SPECC1L: variants seen among roughly 807,000 people sequenced by gnomAD.
SPECC1L encodes cytospin-A.
Under a neutral mutation model 116.8 loss-of-function variants are expected in SPECC1L, and 40 were observed. The observed-to-expected ratio is 0.34, with a 90% CI of 0.27 to 0.45. SPECC1L has a LOEUF of 0.45. Ranked by LOEUF, SPECC1L falls within the 20% of genes least tolerant of loss-of-function variation. The probability of loss-of-function intolerance (pLI) is 1.00; values close to 1 mark genes in which losing one functional copy is unlikely to be tolerated. For missense variants in SPECC1L, 1,110 were observed against 1,373.6 expected (o/e 0.81, Z 3.03); for synonymous variants, 504 against 500.6 (o/e 1.01, Z -0.09).
At chr22:24,279,557 A>G (rs1198880773) in intron 2 of SPECC1L, among the ~76,000 whole-genome samples, 2 of 148,818 alleles carry the variant, frequency 1.3e-5, no homozygotes, top group Non-Finnish European at 3.0e-5. Flanking sequence ...AGAAATGTAC[A>G]TTTTATTTTT....
intron 3 of SPECC1L, among the ~76,000 whole-genome samples, chr22:24,313,086 A>G (rs751697109): frequency 2.0e-5 from 3 of 152,170 alleles, no homozygotes; most frequent in Non-Finnish European, 4.4e-5. Context: ...AAAGTCTTTG[A>G]TTACATGTAC....
intron 14 of SPECC1L, among the ~76,000 whole-genome samples, chr22:24,408,400 C>T (rs1601366005): frequency 6.6e-6 from 1 of 152,252 alleles, no homozygotes; most frequent in Non-Finnish European, 1.5e-5. Context: ...GGGAATGTAG[C>T]AGGTCTTACC....
chr22:24,315,272 A>C (rs2040538247), intron 4 of SPECC1L, among the ~76,000 whole-genome samples: 1 of 152,266 alleles, frequency 6.6e-6, no homozygotes, highest in Admixed American at 6.5e-5. Context: ...AGGTGCGATT[A>C]ACAGGAAGGA....
Position 24,285,012 on chromosome 22 carries a change from A to G in SPECC1L, c.-38+8209A>G, listed in dbSNP as rs752814528. On this transcript the variant is annotated intron_variant, in intron 2 of 16. Coordinates refer to ENST00000314328, the MANE Select transcript of SPECC1L (RefSeq NM_015330.6). ...TTGAAGAGGAAGATGGAGGAAGGTA[A>G]AAGAAAGCTGTGTTGAATTAAACTC... 3.3e-5 allele frequency among the ~76,000 whole-genome samples: 5 copies of G among 152,310 alleles called. No individual in the cohort carries two copies. In the South Asian group the frequency reaches 6.2e-4, roughly 19 times the overall value.
chr22:24,328,668 A>G (rs6004131), intron 6 of SPECC1L, among the ~76,000 whole-genome samples, 178 bp from the exon 7 acceptor site: 188 of 152,342 alleles, frequency 1.2e-3, no homozygotes, highest in African/African-American at 4.1e-3. Flanking sequence ...AAAGAAAGTA[A>G]TATTTGTTAT....
chr22:24,403,635 A>G (rs968808685), intron 14 of SPECC1L, among the ~76,000 whole-genome samples: 9 of 152,242 alleles, frequency 5.9e-5, no homozygotes, highest in African/African-American at 1.7e-4. Flanking sequence ...GCTCTTCAGC[A>G]AAGTGTAAAT....
chr22:24,307,158 G>T (rs574832828), intron 3 of SPECC1L, among the ~76,000 whole-genome samples: 9 of 152,106 alleles, frequency 5.9e-5, no homozygotes, highest in African/African-American at 2.2e-4. Flanking sequence ...ATTTTGGGGG[G>T]GGTATATACC....
chr22:24,331,272 C>CG (rs1213597485), intron 8 of SPECC1L, among the ~76,000 whole-genome samples: 1 of 152,180 alleles, frequency 6.6e-6, no homozygotes, highest in Non-Finnish European at 1.5e-5. Flanking sequence ...ATTTAGAAAA[C>CG]TAACAGTATA....
At chr22:24,290,802 T>C (rs1033755338) in intron 2 of SPECC1L, among the ~76,000 whole-genome samples, 1 of 152,270 alleles carries the variant, frequency 6.6e-6, no homozygotes, top group Non-Finnish European at 1.5e-5. Flanking sequence ...TGTGTCATAA[T>C]TCACCATAAG....
chr22:24,293,261 C>T (rs1341309785), intron 2 of SPECC1L, among the ~76,000 whole-genome samples: 12 of 152,126 alleles, frequency 7.9e-5, no homozygotes, highest in Admixed American at 7.2e-4. Flanking sequence ...CGAGACTATC[C>T]TGGCCAACAT....
chr22:24,412,778 G>C lies in SPECC1L; in HGVS notation c.3264+71G>C, dbSNP rs534622484. On this transcript the variant is annotated intron_variant, in intron 16 of 16. Transcript: ENST00000314328. ...TTAAGAAGAGTTCAGTCCTGTTTAA[G>C]CTGAATCCTCGTGGGCATGGGGTAG... The C allele has an allele frequency of 5.4e-5, 83 of 1,546,884 alleles. No homozygotes were observed. In the African/African-American group the frequency reaches 8.6e-4, roughly 16 times the overall value.
At chr22:24,411,818 C>T (rs2042704519) in intron 15 of SPECC1L, 114 bp downstream of exon 15, 3 of 862,520 alleles carry the variant, frequency 3.5e-6, no homozygotes, top group Non-Finnish European at 5.9e-6. Context: ...TTGCGATTGC[C>T]TCGTGCCATC....
chr22:24,367,828 ATTTATTGGG>A (rs1382070358), intron 13 of SPECC1L, among the ~76,000 whole-genome samples: 1 of 152,190 alleles, frequency 6.6e-6, no homozygotes, highest in Non-Finnish European at 1.5e-5. Flanking sequence ...CCTTTAGGAT[ATTTATTGGG>A]CTGCTAAGTT....
intron 14 of SPECC1L, among the ~76,000 whole-genome samples, chr22:24,388,230 CCCT>C (rs1307842938): frequency 2.7e-5 from 3 of 112,754 alleles, no homozygotes; most frequent in African/African-American, 1.0e-4. Context: ...TATCCCTCCC[CCCT>C]CCCCCCACCC....
intron 1 of SPECC1L, among the ~76,000 whole-genome samples, chr22:24,274,078 G>A (rs571398912): frequency 6.6e-6 from 1 of 152,138 alleles, no homozygotes; most frequent in Non-Finnish European, 1.5e-5. Context: ...TTTTTGTGTT[G>A]TGCCAACAAA....
At chr22:24,325,066 A>G (rs922478504) in intron 6 of SPECC1L, among the ~76,000 whole-genome samples, 2 of 152,244 alleles carry the variant, frequency 1.3e-5, no homozygotes, top group Non-Finnish European at 2.9e-5. Flanking sequence ...AGTTGGTCTA[A>G]TAACATTGAG....
chr22:24,351,278 A>G (rs137912824), intron 11 of SPECC1L, among the ~76,000 whole-genome samples: 1 of 152,226 alleles, frequency 6.6e-6, no homozygotes, highest in African/African-American at 2.4e-5. Context: ...AAGCACCCCA[A>G]GTGACTCTTA....
chr22:24,407,714 CT>C (rs985798495), intron 14 of SPECC1L, among the ~76,000 whole-genome samples: 5 of 152,024 alleles, frequency 3.3e-5, no homozygotes, highest in African/African-American at 4.8e-5. Context: ...AGACCTGGCT[CT>C]TTTTTTTAGT....
intron 14 of SPECC1L, among the ~76,000 whole-genome samples, chr22:24,402,883 A>G (rs572209673): frequency 3.3e-4 from 50 of 152,346 alleles, no homozygotes; most frequent in Non-Finnish European, 5.7e-4. Flanking sequence ...ATCTTTTATG[A>G]CATATTTTTA....
Sources: gnomAD v4.1 joint callset for allele counts (sites outside exome capture counted in the v4.1 genomes callset) on GRCh38, gnomAD v4.1.1 for gene constraint, MANE v1.5 for transcripts, NCBI Gene and HGNC (gene_info 2026-07-23, HGNC 2026-07-21) for gene names.